The following C11orf54 variants were observed in gnomAD, a reference collection of about 807,000 sequenced individuals.
The protein encoded by C11orf54 is beta-keto L-gulonate decarboxylase.
In C11orf54, 29 loss-of-function variants were observed where a neutral mutation model predicts 35.5. The observed-to-expected ratio is 0.82, with a 90% confidence interval of 0.61 to 1.11. The LOEUF is 1.11. Among genes scored for constraint, C11orf54 ranks in the 50% most tolerant of loss-of-function variants. C11orf54 has a pLI of 0.00. For synonymous variants in C11orf54, 108 were observed against 121.1 expected (o/e 0.89, Z 0.71); for missense variants, 373 against 369.2 (o/e 1.01, Z -0.08).
rs202022298 is a variant in C11orf54, at chr11:93,747,390, G to A, written c.-4G>A. On this transcript the variant is annotated 5_prime_UTR_variant, in exon 2 of 9. Coordinates refer to ENST00000354421, the MANE Select transcript of C11orf54 (RefSeq NM_001286069.2). ...TCCAACCTCACACCTAAAGAAGAAA[G>A]AAAATGGCTTGTGCTGAGTTTTCTT... The A allele has an allele frequency of 1.7e-5, 27 of 1,596,796 alleles. No individual in the cohort carries two copies. In the East Asian group the frequency reaches 5.9e-4, roughly 35 times the overall value.
At chr11:93,744,646 A>G (rs1942343287) in intron 1 of C11orf54, among the ~76,000 whole-genome samples, 1 of 152,254 alleles carries the variant, frequency 6.6e-6, no homozygotes, top group Non-Finnish European at 1.5e-5. Context: ...TTTAAAAGAA[A>G]AAGTTAAACT....
rs763317849 is a variant in C11orf54, at chr11:93,754,016, G to C, written c.309G>C (p.Gln103His). 6.2e-7 allele frequency: 1 copy of C among 1,614,034 alleles called. No individual in the cohort carries two copies. The change falls in exon 5 of 9, where the codon CAG (glutamine) becomes CAC (histidine). Residue 103 changes from glutamine (Q) to histidine (H), a missense_variant. Physicochemically the swap from Gln to His is conservative, Grantham distance 24 (BLOSUM62 0). Coordinates refer to ENST00000354421, the MANE Select transcript of C11orf54 (RefSeq NM_001286069.2). ...TTGGAGCAGGAGCAGGTCCATTTCA[G>C]ACTCTCGGGTTCAATTCTGAGGTCA... ...FILGAGAGPF[Q>H]TLGFNSEFMP...
At chr11:93,756,354 G>A (rs1943156808) in intron 6 of C11orf54, among the ~76,000 whole-genome samples, 1 of 149,814 alleles carries the variant, frequency 6.7e-6, no homozygotes, top group African/African-American at 2.5e-5. Context: ...TTAGCCAGGT[G>A]TGGTGGTACA....
Position 93,761,634 on chromosome 11 carries a change from G to A in C11orf54, c.894G>A (p.Glu298=), listed in dbSNP as rs1479378721. Residue 298 remains glutamate, a synonymous_variant, in exon 9 of 9, where the codon GAG becomes GAA. Transcript: ENST00000354421. ...ATCTTGGATACTTCTTACCTGCAGA[G>A]TTTCTCTATCGCATTGATCAACCAA... ...VEYLGYFLPA[E]FLYRIDQPKE... 4.3e-6 allele frequency: 7 copies of A among 1,612,688 alleles called. No individual in the cohort carries two copies. In the African/African-American group the frequency reaches 6.7e-5, roughly 15 times the overall value.
chr11:93,757,472 G>T lies in C11orf54; in HGVS notation c.657+7G>T, dbSNP rs1337048964. 4 of 1,596,622 alleles carry T rather than the reference G, an allele frequency of 2.5e-6. No individual in the cohort carries two copies. The South Asian group carries it at 4.4e-5, about 18-fold the overall frequency. On this transcript the variant is annotated splice_region_variant and intron_variant, in intron 7 of 8. Coordinates refer to ENST00000354421, the MANE Select transcript of C11orf54 (RefSeq NM_001286069.2). ...AGTGAAGTCTCACATTATGGTAAGA[G>T]CCCATGTGTGCATACATGCATGAAG...
intron 5 of C11orf54, among the ~76,000 whole-genome samples, chr11:93,754,605 C>T (rs1943030265): frequency 6.6e-6 from 1 of 151,496 alleles, no homozygotes; most frequent in African/African-American, 2.4e-5. Context: ...AGTAGTCATA[C>T]AAGTTCTTTG....
At chr11:93,753,814 T>C in intron 4 of C11orf54, 59 bp downstream of exon 4, 1 of 1,574,464 alleles carries the variant, frequency 6.4e-7, no homozygotes, top group Non-Finnish European at 8.7e-7. Context: ...TTGATTACTG[T>C]GTTTATTATT....
rs1943540654 is a variant in C11orf54 at position 93,762,974 on chromosome 11, A to G, written c.*1286A>G. 1 of 152,236 alleles carries G rather than the reference A, an allele frequency of 6.6e-6. No individual in the cohort carries two copies. The highest frequency in any genetic ancestry group is 2.4e-5 in the African/African-American group (1 of 41,464). 9.4% of individuals were successfully genotyped at this position (152,236 alleles called of 1,614,324 possible). The stretch of plus-strand genomic sequence containing the variant: ...TCAGTACTAAGTACATAATTTTCAA[A>G]TAATATTTTTTAATTGTCTACTTTG... On this transcript the variant is annotated 3_prime_UTR_variant, in exon 9 of 9. Transcript: ENST00000354421.
At chr11:93,749,868 T>C (rs985854697) in intron 2 of C11orf54, among the ~76,000 whole-genome samples, 7 of 152,226 alleles carry the variant, frequency 4.6e-5, no homozygotes, top group Non-Finnish European at 8.8e-5. Context: ...GAAGGCTCCT[T>C]TGCACACCTT....
At chr11:93,755,644 C>T (rs181948463) in intron 6 of C11orf54, among the ~76,000 whole-genome samples, 3 of 148,438 alleles carry the variant, frequency 2.0e-5, no homozygotes, top group South Asian at 2.1e-4. Flanking sequence ...CCCAGCTACT[C>T]GGGGGGGCTG....
intron 8 of C11orf54, among the ~76,000 whole-genome samples, chr11:93,761,047 T>C (rs906215860): frequency 2.6e-5 from 4 of 152,116 alleles, no homozygotes; most frequent in African/African-American, 9.7e-5. Context: ...TAAAAGGTTA[T>C]TATTACAGTA....
chr11:93,756,449 C>T (rs1452587860), intron 6 of C11orf54, among the ~76,000 whole-genome samples: 2 of 147,648 alleles, frequency 1.4e-5, no homozygotes, highest in African/African-American at 5.0e-5. Flanking sequence ...GCTATGATCA[C>T]ACCACTGCAC....
chr11:93,758,136 TG>T (rs1398562682), intron 7 of C11orf54, among the ~76,000 whole-genome samples: 6 of 152,178 alleles, frequency 3.9e-5, no homozygotes, highest in Non-Finnish European at 8.8e-5. Context: ...ATAGTGATGA[TG>T]GCAGCGGCAG....
At chr11:93,761,359 T>A (rs77411911) in intron 8 of C11orf54, among the ~76,000 whole-genome samples, 156 bp from the exon 9 acceptor site, 3,459 of 152,302 alleles carry the variant, frequency 0.023, 128 homozygotes, top group African/African-American at 0.076. Flanking sequence ...AGATACATTT[T>A]ACTGAATACA....
intron 6 of C11orf54, among the ~76,000 whole-genome samples, chr11:93,756,167 C>CAAAAAAA (rs1210508995): frequency 1.9e-3 from 50 of 26,766 alleles, no homozygotes; most frequent in Non-Finnish European, 2.4e-3. Flanking sequence ...ACTCTGTCTC[C>CAAAAAAA]AAAAAAAAAA....
chr11:93,757,808 C>T (rs1163281911), intron 7 of C11orf54, among the ~76,000 whole-genome samples: 1 of 152,036 alleles, frequency 6.6e-6, no homozygotes, highest in Non-Finnish European at 1.5e-5. Context: ...AGATTACAGA[C>T]GTGAGACGCT....
Position 93,747,293 on chromosome 11 carries a change from C to G in C11orf54, c.-97-4C>G. The G allele has an allele frequency of 1.2e-6, 1 of 851,118 alleles. No homozygotes were observed. Among genetic ancestry groups the G allele is most frequent in the East Asian group, 2.8e-5 (1 of 35,450 alleles). The allele number at this position is 851,118 out of a possible 1,614,324, so 52.7% of individuals were successfully genotyped here. On this transcript the variant is annotated splice_polypyrimidine_tract_variant and splice_region_variant and intron_variant, in intron 1 of 8. Coordinates refer to ENST00000354421, the MANE Select transcript of C11orf54 (RefSeq NM_001286069.2). Reference sequence around the variant, plus strand: ...ATGTTTGAATGCTCAATGTTCATTTCCAGAACAGAAACTGTTCATACTTGG... The same window carrying G: ...ATGTTTGAATGCTCAATGTTCATTTGCAGAACAGAAACTGTTCATACTTGG...
rs114327037 is a variant in C11orf54, at chr11:93,745,094, C to G, written c.-97-2203C>G. 5.5e-3 allele frequency among the ~76,000 whole-genome samples: 840 copies of G among 152,348 alleles called. 13 individuals carry two copies. Among genetic ancestry groups the G allele is most frequent in the African/African-American group, 0.019 (783 of 41,576 alleles). On this transcript the variant is annotated intron_variant, in intron 1 of 8. Coordinates refer to ENST00000354421, the MANE Select transcript of C11orf54 (RefSeq NM_001286069.2). The stretch of plus-strand genomic sequence containing the variant: ...CAGAGCAGTATTGCTGCCAGCATAT[C>G]TCCCCTCCAGCCACAGGGTGGTTTT...
chr11:93,760,966 A>G (rs1419386296), intron 8 of C11orf54, among the ~76,000 whole-genome samples: 1 of 152,186 alleles, frequency 6.6e-6, no homozygotes, highest in African/African-American at 2.4e-5. Flanking sequence ...CCCTGGTCAT[A>G]TCTTGATCCA....
Sources: gnomAD v4.1 joint callset for allele counts (sites outside exome capture counted in the v4.1 genomes callset) on GRCh38, gnomAD v4.1.1 for gene constraint, MANE v1.5 for transcripts, NCBI Gene and HGNC (gene_info 2026-07-23, HGNC 2026-07-21) for gene names.